CELSR1: variants seen among roughly 807,000 people sequenced by gnomAD.
CELSR1 encodes adhesion G protein-coupled receptor C1.
Under a neutral mutation model 249.1 loss-of-function variants are expected in CELSR1, and 110 were observed. That is an observed-to-expected ratio of 0.44 (90% confidence interval 0.38 to 0.52). CELSR1 has a LOEUF of 0.52. CELSR1 is among the 20% of genes least tolerant of loss of function. The probability of loss-of-function intolerance (pLI) is 0.00; values close to 1 mark genes in which losing one functional copy is unlikely to be tolerated. For synonymous variants in CELSR1, 2,113 were observed against 1,900.0 expected (o/e 1.11, Z -2.92); for missense variants, 4,109 against 4,296.4 (o/e 0.96, Z 1.22).
rs776931799 is a variant in CELSR1 at position 46,365,688 on chromosome 22, C to T, written c.8302G>A (p.Asp2768Asn). The change falls in exon 31 of 35, where the codon GAT (aspartate) becomes AAT (asparagine). Residue 2768 changes from aspartate to asparagine, a missense_variant and splice_region_variant. Transcript: ENST00000674500. ...STASLDSIVR[D>N]EGIQKLGVSS... Reference sequence around the variant, plus strand: ...ACGCCGAGCTTCTGGATCCCTTCATCCCTAGAGAGGCCAGGGAGGGTGGGC... The same window carrying T: ...ACGCCGAGCTTCTGGATCCCTTCATTCCTAGAGAGGCCAGGGAGGGTGGGC... The T allele has an allele frequency of 6.4e-7, 1 of 1,570,766 alleles. No homozygotes were observed. The highest frequency in any genetic ancestry group is 1.2e-5 in the South Asian group (1 of 85,624).
chr22:46,452,797 G>C (rs2079901420), intron 2 of CELSR1, among the ~76,000 whole-genome samples: 1 of 152,240 alleles, frequency 6.6e-6, no homozygotes, highest in Non-Finnish European at 1.5e-5. Context: ...TGGAGTGAGG[G>C]GGACGCAGAC....
At chr22:46,522,135 T>C (rs1340801195) in intron 1 of CELSR1, among the ~76,000 whole-genome samples, 1 of 152,114 alleles carries the variant, frequency 6.6e-6, no homozygotes, top group East Asian at 1.9e-4. Context: ...TGCAAAAGCG[T>C]GTATGTGTTA....
intron 2 of CELSR1, among the ~76,000 whole-genome samples, chr22:46,449,028 A>G (rs1422874080): frequency 6.6e-6 from 1 of 151,938 alleles, no homozygotes; most frequent in Non-Finnish European, 1.5e-5. Context: ...CCATCCTTCC[A>G]TATACCCACC....
rs940899997 is a variant in CELSR1, at chr22:46,430,600, C to G, written c.4611+2793G>C. Reference sequence around the variant, plus strand: ...CCCACCCTGAGCCTGTCGTCTTCCCCAAAACCTTCCCTGGTGGCCCAAGGT... The same window carrying G: ...CCCACCCTGAGCCTGTCGTCTTCCCGAAAACCTTCCCTGGTGGCCCAAGGT... On this transcript the variant is annotated intron_variant, in intron 5 of 34. Transcript: ENST00000674500. This position sits in a 1 kb window ranked among gnomAD's most constrained non-coding sequence, Gnocchi z 4.6. 6.6e-6 allele frequency among the ~76,000 whole-genome samples: 1 copy of G among 152,180 alleles called. No individual in the cohort carries two copies. The highest frequency in any genetic ancestry group is 2.4e-5 in the African/African-American group (1 of 41,444).
Position 46,434,287 on chromosome 22 carries a change from G to A in CELSR1, c.4523-806C>T, listed in dbSNP as rs921744256. 3.3e-5 allele frequency among the ~76,000 whole-genome samples: 5 copies of A among 152,196 alleles called. No individual in the cohort carries two copies. Among genetic ancestry groups the A allele is most frequent in the Middle Eastern group, 3.2e-3 (1 of 316 alleles). On this transcript the variant is annotated intron_variant, in intron 4 of 34. Coordinates refer to ENST00000674500, the MANE Select transcript of CELSR1 (RefSeq NM_001378328.1). The surrounding 1 kb of genome is among the most constrained non-coding windows in gnomAD (Gnocchi z 4.9). ...CCTTGAGCTCCTGCTGGAGTGGGGC[G>A]GGCGAGTCCCTTTGGGGATTCTGGG...
chr22:46,501,125 C>A (rs1412237771), intron 1 of CELSR1, among the ~76,000 whole-genome samples: 3 of 151,890 alleles, frequency 2.0e-5, no homozygotes, highest in African/African-American at 7.3e-5. Flanking sequence ...CCTTCGCCTC[C>A]CGGGTTCAAG....
intron 1 of CELSR1, among the ~76,000 whole-genome samples, chr22:46,480,955 G>A (rs965926496): frequency 7.9e-5 from 12 of 151,856 alleles, no homozygotes; most frequent in African/African-American, 2.2e-4. Context: ...CTAAAATTCC[G>A]GCCGGGTCCG....
chr22:46,493,106 C>T (rs1193062278), intron 1 of CELSR1, among the ~76,000 whole-genome samples: 1 of 151,554 alleles, frequency 6.6e-6, no homozygotes, highest in Non-Finnish European at 1.5e-5. Flanking sequence ...AAAAATTAGC[C>T]AGGCATGGTG....
chr22:46,456,413 A>C (rs1214026641), intron 2 of CELSR1, among the ~76,000 whole-genome samples: 1 of 152,148 alleles, frequency 6.6e-6, no homozygotes, highest in Non-Finnish European at 1.5e-5. Context: ...TAATCCCAGC[A>C]CTTTGGGAGG....
At position 46,439,309 on chromosome 22, in the gene CELSR1, A is replaced by G; in HGVS notation, c.4286T>C (p.Val1429Ala). 6.2e-7 allele frequency: 1 copy of G among 1,613,936 alleles called. No homozygotes were observed. Among genetic ancestry groups the G allele is most frequent in the South Asian group, 1.1e-5 (1 of 91,076 alleles). ...CCTCTCATACTCGCCAGGAGGACACACGCAGTGGAAGCCGCCGATGAGCAG... is the reference window on the plus strand; with the variant it reads ...CCTCTCATACTCGCCAGGAGGACACGCGCAGTGGAAGCCGCCGATGAGCAG... ...VNLLIGGFHC[V>A]CPPGEYERPY... is the part of the protein sequence containing the mutation. Residue 1429 changes from valine (V) to alanine (A), a missense_variant, in exon 3 of 35, where the codon GTG becomes GCG. Physicochemically the swap from Val to Ala is moderately conservative, Grantham distance 64 (BLOSUM62 0). This residue lies in a region of CELSR1 where 453 missense variants were observed against 492.0 expected (regional missense o/e 0.92). Transcript: ENST00000674500.
intron 1 of CELSR1, among the ~76,000 whole-genome samples, chr22:46,470,461 C>T (rs531432326): frequency 6.6e-4 from 101 of 151,938 alleles, no homozygotes; most frequent in African/African-American, 2.3e-3. Context: ...GGAACAAGGA[C>T]CCATATTCTA....
In CELSR1 at chr22:46,411,699, TCACCA is replaced by T; in HGVS notation, c.4667_4671del (p.Val1556AspfsTer4). On this transcript the variant is annotated frameshift_variant, in exon 6 of 35. Transcript: ENST00000674500. LOFTEE classifies it high-confidence loss of function. The surrounding 1 kb of genome is among the most constrained non-coding windows in gnomAD (Gnocchi z 4.2). ...ATGGTTGTGTCACAATCATCCACTG[TCACCA>T]CGGCCATCTTTTCCCCGGACGGCCC... The T allele has an allele frequency of 6.2e-7, 1 of 1,614,198 alleles. No individual in the cohort carries two copies. The highest frequency in any genetic ancestry group is 8.5e-7 in the Non-Finnish European group (1 of 1,180,032).
chr22:46,460,841 T>A (rs942790370), intron 2 of CELSR1, among the ~76,000 whole-genome samples: 4 of 152,144 alleles, frequency 2.6e-5, no homozygotes, highest in Non-Finnish European at 4.4e-5. Flanking sequence ...GCCTTGGACT[T>A]CTCTAAGGCC....
Position 46,367,135 on chromosome 22 carries a change from G to A in CELSR1, c.8080-17C>T. On this transcript the variant is annotated splice_polypyrimidine_tract_variant and intron_variant, in intron 28 of 34. Transcript: ENST00000674500. The stretch of plus-strand genomic sequence containing the variant: ...GAAGGGGCCCTGGAGGGAGGAAGGT[G>A]GGGTCAGCACCTGCTGCTGCCTCCC... 1.4e-5 allele frequency: 23 copies of A among 1,608,182 alleles called. No individual in the cohort carries two copies. The highest frequency in any genetic ancestry group is 2.0e-5 in the Non-Finnish European group (23 of 1,178,548).
rs373169189 is a variant in CELSR1 at position 46,447,572 on chromosome 22, A to C, written c.4184-8161T>G. On this transcript the variant is annotated intron_variant, in intron 2 of 34. Coordinates refer to ENST00000674500, the MANE Select transcript of CELSR1 (RefSeq NM_001378328.1). This position sits in a 1 kb window ranked among gnomAD's most constrained non-coding sequence, Gnocchi z 4.7. ...TGCTCACTCACGCATGCAGCCTGCC[A>C]AAAGCTCCCCCTCTCCCCGTAGGAG... 3.2e-4 allele frequency among the ~76,000 whole-genome samples: 49 copies of C among 152,332 alleles called. No individual in the cohort carries two copies. Among genetic ancestry groups the C allele is most frequent in the African/African-American group, 1.1e-3 (46 of 41,586 alleles).
rs1363099244 is a variant in CELSR1, at chr22:46,423,616, A to G, written c.4611+9777T>C. 6.6e-6 allele frequency among the ~76,000 whole-genome samples: 1 copy of G among 151,108 alleles called. No individual in the cohort carries two copies. Among genetic ancestry groups the G allele is most frequent in the African/African-American group, 2.4e-5 (1 of 41,036 alleles). ...GCGAAACTTCGTCTCAGAAAAAAAA[A>G]AAAAAAAAGACTCCATGCTTTAGGC... On this transcript the variant is annotated intron_variant, in intron 5 of 34. Transcript: ENST00000674500. The surrounding 1 kb of genome is among the most constrained non-coding windows in gnomAD (Gnocchi z 5.6).
chr22:46,517,202 G>A lies in CELSR1; in HGVS notation c.3544+16425C>T, dbSNP rs2080636818. Among the ~76,000 whole-genome samples the A allele has an allele frequency of 6.6e-6, 1 of 152,230 alleles. No individual in the cohort carries two copies. Among genetic ancestry groups the A allele is most frequent in the Non-Finnish European group, 1.5e-5 (1 of 68,038 alleles). Reference sequence around the variant, plus strand: ...CATGGAGCTGCCAGGTGCAAGTTTGGCCCCTGAAGGGGCTTGGCCCATTTT... The same window carrying A: ...CATGGAGCTGCCAGGTGCAAGTTTGACCCCTGAAGGGGCTTGGCCCATTTT... On this transcript the variant is annotated intron_variant, in intron 1 of 34. Transcript: ENST00000674500. The surrounding 1 kb of genome is among the most constrained non-coding windows in gnomAD (Gnocchi z 5.4).
At position 46,534,173 on chromosome 22, in the gene CELSR1, C is replaced by T. The variant is rs1490767058; in HGVS notation, c.2998G>A (p.Glu1000Lys). ...LDINDNAPMF[E>K]KDELELFVEE... ...ACAAACAGCTCCAGTTCGTCCTTCTCAAACATGGGGGCATTGTCATTAATG... is the reference window on the plus strand; with the variant it reads ...ACAAACAGCTCCAGTTCGTCCTTCTTAAACATGGGGGCATTGTCATTAATG... The change falls in exon 1 of 35, where the codon GAG becomes AAG. Residue 1000 changes from glutamate (E) to lysine (K), a missense_variant. Glu to Lys is a moderately conservative substitution (Grantham distance 56). Coordinates refer to ENST00000674500, the MANE Select transcript of CELSR1 (RefSeq NM_001378328.1). This position sits in a 1 kb window ranked among gnomAD's most constrained non-coding sequence, Gnocchi z 9.7. The T allele has an allele frequency of 1.2e-6, 2 of 1,613,900 alleles. No individual in the cohort carries two copies. The highest frequency in any genetic ancestry group is 1.1e-5 in the South Asian group (1 of 91,086).
chr22:46,438,745 C>G (rs779081224), intron 3 of CELSR1, among the ~76,000 whole-genome samples: 14 of 152,100 alleles, frequency 9.2e-5, no homozygotes, highest in Non-Finnish European at 1.2e-4. Flanking sequence ...CAAACAAAGA[C>G]ACAGAAGGAA....
Sources: gnomAD v4.1 joint callset for allele counts (sites outside exome capture counted in the v4.1 genomes callset) on GRCh38, gnomAD v4.1.1 for gene constraint, gnomAD v4.1.1 regional missense constraint, Gnocchi (gnomAD v3.1) non-coding constraint, MANE v1.5 for transcripts, NCBI Gene and HGNC (gene_info 2026-07-23, HGNC 2026-07-21) for gene names.